Variants in PHIP observed in about 807,000 individuals in gnomAD.
The protein encoded by PHIP is PH-interacting protein.
PHIP carries 54 observed loss-of-function variants against 236.8 expected under a neutral mutation model. That is an observed-to-expected ratio of 0.23 (90% confidence interval 0.18 to 0.29). PHIP has a LOEUF of 0.29. Ranked by LOEUF, PHIP falls within the 10% of genes least tolerant of loss-of-function variation. The probability of loss-of-function intolerance (pLI) is 1.00; values close to 1 mark genes in which losing one functional copy is unlikely to be tolerated. For synonymous variants in PHIP, 756 were observed against 718.9 expected, an observed-to-expected ratio of 1.05 and a Z score of -0.83; for missense variants, 1,370 against 2,190.8, an observed-to-expected ratio of 0.63 and a Z score of 7.48.
chr6:78,978,877 C>G (rs1181322951), intron 23 of PHIP, among the ~76,000 whole-genome samples, 166 bp from the exon 24 acceptor site: 1 of 152,140 alleles, frequency 6.6e-6, no homozygotes, highest in Non-Finnish European at 1.5e-5. Flanking sequence ...CACATCCATG[C>G]ATTCAACCAA....
intron 19 of PHIP, among the ~76,000 whole-genome samples, chr6:78,991,306 ATTT>A (rs201744715): frequency 4.4e-5 from 6 of 137,662 alleles, no homozygotes; most frequent in Non-Finnish European, 6.4e-5. Flanking sequence ...GAGAAATTGG[ATTT>A]TTTTTTTTTT....
chr6:79,038,737 C>G (rs1333687057), intron 7 of PHIP, among the ~76,000 whole-genome samples: 8 of 152,084 alleles, frequency 5.3e-5, no homozygotes, highest in Admixed American at 4.6e-4. Flanking sequence ...ATTTTCCAAG[C>G]TGAATGATTC....
chr6:78,998,434 A>C (rs915183923), intron 17 of PHIP, 43 bp from the exon 18 acceptor site: 1 of 1,560,916 alleles, frequency 6.4e-7, no homozygotes, highest in Non-Finnish European at 8.8e-7. Context: ...TTTAGCTACT[A>C]TTCAAACCAT....
intron 10 of PHIP, among the ~76,000 whole-genome samples, chr6:79,018,539 ATT>A (rs1258921682): frequency 6.6e-6 from 1 of 151,842 alleles, no homozygotes; most frequent in Non-Finnish European, 1.5e-5. Context: ...AAATAACCAG[ATT>A]TTTTTTATAA....
At chr6:79,005,300 A>T (rs1246801689) in intron 15 of PHIP, among the ~76,000 whole-genome samples, 1 of 151,984 alleles carries the variant, frequency 6.6e-6, no homozygotes, top group East Asian at 1.9e-4. Flanking sequence ...ACAATTCAAA[A>T]ACAAGAAAGA....
intron 15 of PHIP, among the ~76,000 whole-genome samples, chr6:79,004,116 T>C (rs931229878): frequency 3.9e-5 from 6 of 152,082 alleles, no homozygotes; most frequent in Non-Finnish European, 5.9e-5. Context: ...ACCCATAGAA[T>C]TCTGCTTCAT....
chr6:78,986,817 G>A (rs1219083185), intron 21 of PHIP, among the ~76,000 whole-genome samples: 1 of 152,038 alleles, frequency 6.6e-6, no homozygotes. Flanking sequence ...AATCACATTT[G>A]CATATTTTAT....
chr6:79,072,481 A>ATTTTTT (rs66481367), intron 4 of PHIP, among the ~76,000 whole-genome samples: 1 of 150,500 alleles, frequency 6.6e-6, no homozygotes. Flanking sequence ...TCTTCCGAAG[A>ATTTTTT]TTTTTTTTTT....
Position 78,946,064 on chromosome 6 carries a change from T to C in PHIP, c.4567A>G (p.Thr1523Ala). The stretch of plus-strand genomic sequence containing the variant: ...ATAAAAGTCTTTGCAGCTGAAGAAG[T>C]AGATGGTTGCTCAGTGACAACTGGA... Reference protein sequence around the residue: ...VDPVVTEQPSTSSAAKTFITK... With the variant: ...VDPVVTEQPSASSAAKTFITK... Residue 1523 changes from threonine (T) to alanine (A), a missense_variant, in exon 38 of 40, where the codon ACT becomes GCT. Physicochemically the swap from Thr to Ala is moderately conservative, Grantham distance 58. Transcript: ENST00000275034. 1.2e-6 allele frequency: 2 copies of C among 1,612,506 alleles called. No homozygotes were observed. The highest frequency in any genetic ancestry group is 1.1e-5 in the South Asian group (1 of 91,054).
At chr6:79,061,257 G>GA (rs1176151557) in intron 4 of PHIP, among the ~76,000 whole-genome samples, 1 of 151,744 alleles carries the variant, frequency 6.6e-6, no homozygotes, top group Non-Finnish European at 1.5e-5. Flanking sequence ...AATTATATTG[G>GA]AAAAAAATAC....
chr6:78,947,594 T>C (rs1485465491), intron 36 of PHIP, 29 bp downstream of exon 36: 7 of 1,123,430 alleles, frequency 6.2e-6, no homozygotes, highest in Middle Eastern at 2.1e-4. Context: ...CTTAATCTAG[T>C]CATAAAAGAA....
Position 79,073,650 on chromosome 6 carries a change from C to A in PHIP, c.189+3798G>T, listed in dbSNP as rs140482911. Among the ~76,000 whole-genome samples, 31 of 151,866 alleles carry A rather than the reference C, an allele frequency of 2.0e-4. No homozygotes were observed. The East Asian group carries it at 3.5e-3, about 17-fold the overall frequency. Reference sequence around the variant, plus strand: ...CAGCACACACTAAATAAATGTATACCTAAGATATATACTTAAATAAATCCT... The same window carrying A: ...CAGCACACACTAAATAAATGTATACATAAGATATATACTTAAATAAATCCT... On this transcript the variant is annotated intron_variant, in intron 4 of 39. Transcript: ENST00000275034.
intron 24 of PHIP, among the ~76,000 whole-genome samples, chr6:78,975,088 C>T (rs140507694): frequency 1.7e-4 from 26 of 151,426 alleles, no homozygotes; most frequent in Non-Finnish European, 3.0e-4. Context: ...AATTTTAGAC[C>T]AATATCCTTG....
At position 79,017,398 on chromosome 6, in the gene PHIP, CAAAT is replaced by C. The variant is rs748037363; in HGVS notation, c.1096-16_1096-13del. On this transcript the variant is annotated splice_polypyrimidine_tract_variant and intron_variant, in intron 11 of 39. Transcript: ENST00000275034. ...CTGTCAACTTTGTCCTATATATAAA[CAAAT>C]AAACAAAAAAGTGGGTGCTGAATAT... 13 of 1,586,046 alleles carry C rather than the reference CAAAT, an allele frequency of 8.2e-6. No homozygotes were observed. Among genetic ancestry groups the C allele is most frequent in the Admixed American group, 3.5e-5 (2 of 57,666 alleles).
intron 7 of PHIP, among the ~76,000 whole-genome samples, chr6:79,032,354 C>CT (rs1771718622): frequency 6.6e-6 from 1 of 152,158 alleles, no homozygotes; most frequent in African/African-American, 2.4e-5. Context: ...GCATGGAATG[C>CT]TATCTGACAG....
At chr6:79,050,806 T>C (rs1339283168) in intron 6 of PHIP, among the ~76,000 whole-genome samples, 1 of 152,164 alleles carries the variant, frequency 6.6e-6, no homozygotes, top group Admixed American at 6.5e-5. Flanking sequence ...CATATTACAG[T>C]GTATGAATGT....
At chr6:79,070,655 T>A (rs943386789) in intron 4 of PHIP, among the ~76,000 whole-genome samples, 7 of 152,100 alleles carry the variant, frequency 4.6e-5, no homozygotes, top group African/African-American at 1.7e-4. Context: ...TCCTCCAATC[T>A]TCATGGGGGA....
At chr6:79,008,040 C>T (rs1449899590) in intron 15 of PHIP, among the ~76,000 whole-genome samples, 2 of 136,666 alleles carry the variant, frequency 1.5e-5, no homozygotes, top group African/African-American at 5.5e-5. Flanking sequence ...GTAGTCCCAG[C>T]TACTTGGGAG....
rs989844904 is a variant in PHIP, at chr6:78,992,187, C to T, written c.2202-1202G>A. Among the ~76,000 whole-genome samples, 3 of 151,994 alleles carry T rather than the reference C, an allele frequency of 2.0e-5. No homozygotes were observed. The South Asian group carries it at 6.2e-4, about 32-fold the overall frequency. The stretch of plus-strand genomic sequence containing the variant: ...CTGTGCTAGCCAGGATGGTCTCGAT[C>T]TCCTGACCTCGTGATCCCCCCCACC... On this transcript the variant is annotated intron_variant, in intron 19 of 39. Coordinates refer to ENST00000275034, the MANE Select transcript of PHIP (RefSeq NM_017934.7).
Sources: gnomAD v4.1 joint callset for allele counts (sites outside exome capture counted in the v4.1 genomes callset) on GRCh38, gnomAD v4.1.1 for gene constraint, MANE v1.5 for transcripts, NCBI Gene and HGNC (gene_info 2026-07-23, HGNC 2026-07-21) for gene names.